RAPGEF5: variants seen among roughly 807,000 people sequenced by gnomAD.
RAPGEF5 encodes the protein Rap guanine nucleotide exchange factor 5, also known as M-Ras-regulated GEF.
A neutral mutation model predicts 125.2 loss-of-function variants in RAPGEF5; 65 were observed. The ratio of observed to expected loss-of-function variants is 0.52; its 90% CI spans 0.43 to 0.64. RAPGEF5 has a LOEUF of 0.64. Ranked by LOEUF, RAPGEF5 falls within the 30% of genes least tolerant of loss-of-function variation. The pLI, the probability that RAPGEF5 is intolerant of heterozygous loss-of-function variation, is 0.00. For synonymous variants in RAPGEF5, 391 were observed against 385.9 expected (o/e 1.01, Z -0.16); for missense variants, 958 against 1,048.1 (o/e 0.91, Z 1.19).
chr7:22,330,130 C>T (rs1003365387), intron 1 of RAPGEF5, among the ~76,000 whole-genome samples: 1 of 152,168 alleles, frequency 6.6e-6, no homozygotes, highest in Admixed American at 6.5e-5. Flanking sequence ...AACGATGACT[C>T]GACACATAAA....
chr7:22,306,005 C>CA (rs1363054262), intron 5 of RAPGEF5, among the ~76,000 whole-genome samples: 2 of 152,052 alleles, frequency 1.3e-5, no homozygotes, highest in South Asian at 4.1e-4. Context: ...GACAGTGATG[C>CA]AAAAAACATA....
rs369030719 is a variant in RAPGEF5 at position 22,161,537 on chromosome 7, A to AACACACACACACAC, written c.1428+846_1428+859dup. Among the ~76,000 whole-genome samples the AACACACACACACAC allele has an allele frequency of 3.1e-3, 422 of 136,102 alleles. 1 individual carries two copies. Among genetic ancestry groups the AACACACACACACAC allele is most frequent in the African/African-American group, 7.0e-3 (257 of 36,474 alleles). The allele number at this position is 136,102 out of a possible 152,430, so 89.3% of individuals were successfully genotyped here. A position where few individuals can be genotyped will look rare whatever the true frequency, so the allele number is the denominator to read the frequency against. On this transcript the variant is annotated intron_variant, in intron 13 of 25. Transcript: ENST00000665637. ...GGGTAGCAGAGCAAGACCCTGTCTCAACACACACACACACACACACACACA... is the reference window on the plus strand; with the variant it reads ...GGGTAGCAGAGCAAGACCCTGTCTCAACACACACACACACACACACACACACACACACACACACA...
chr7:22,323,912 CAG>C (rs1430934524), intron 1 of RAPGEF5, among the ~76,000 whole-genome samples: 1 of 152,052 alleles, frequency 6.6e-6, no homozygotes, highest in Non-Finnish European at 1.5e-5. Flanking sequence ...AAGAAGAAAA[CAG>C]AAAACCACCT....
At chr7:22,155,816 A>G (rs2128109239) in intron 16 of RAPGEF5, among the ~76,000 whole-genome samples, 1 of 152,376 alleles carries the variant, frequency 6.6e-6, no homozygotes, top group African/African-American at 2.4e-5. Flanking sequence ...CACTATATGC[A>G]GGGTAAGTTT....
At chr7:22,274,946 T>C (rs1458731333) in intron 6 of RAPGEF5, among the ~76,000 whole-genome samples, 1 of 152,210 alleles carries the variant, frequency 6.6e-6, no homozygotes, top group Non-Finnish European at 1.5e-5. Context: ...GTTCTTCTGG[T>C]CGGGTCTTCA....
chr7:22,298,422 G>A (rs189702621), intron 5 of RAPGEF5, among the ~76,000 whole-genome samples: 251 of 152,056 alleles, frequency 1.7e-3, no homozygotes, highest in African/African-American at 5.3e-3. Flanking sequence ...CACGTGATCC[G>A]CCCGCCTCAG....
At chr7:22,340,211 C>T (rs142894186) in intron 1 of RAPGEF5, among the ~76,000 whole-genome samples, 2 of 152,234 alleles carry the variant, frequency 1.3e-5, no homozygotes, top group African/African-American at 4.8e-5. Context: ...GAAACAATGA[C>T]AGCAAACAAG....
At position 22,254,404 on chromosome 7, in the gene RAPGEF5, T is replaced by C. The variant is rs181833308; in HGVS notation, c.796+12560A>G. On this transcript the variant is annotated intron_variant, in intron 7 of 25. Transcript: ENST00000665637. ...CGGGCGGATCACCTGAGGTGGGATG[T>C]TTGAGACCAGCCTGACCAAGGTGGA... Among the ~76,000 whole-genome samples the C allele has an allele frequency of 3.4e-3, 521 of 151,194 alleles. 1 individual carries two copies. The highest frequency in any genetic ancestry group is 0.012 in the African/African-American group (487 of 41,174).
intron 21 of RAPGEF5, among the ~76,000 whole-genome samples, chr7:22,138,031 A>ACACG (rs989398986): frequency 1.2e-4 from 16 of 132,082 alleles, no homozygotes; most frequent in Admixed American, 2.3e-4. Flanking sequence ...ACACACACAC[A>ACACG]CACGCACGCA....
chr7:22,341,565 T>C (rs929527702), intron 1 of RAPGEF5, among the ~76,000 whole-genome samples: 4 of 152,232 alleles, frequency 2.6e-5, no homozygotes, highest in Non-Finnish European at 5.9e-5. Flanking sequence ...CCTATGAGCC[T>C]GTAAAATCAA....
rs1050295663 is a variant in RAPGEF5 at position 22,208,227 on chromosome 7, G to A, written c.996+11639C>T. 1.4e-4 allele frequency among the ~76,000 whole-genome samples: 22 copies of A among 152,234 alleles called. 1 individual carries two copies. Among genetic ancestry groups the A allele is most frequent in the South Asian group, 1.2e-3 (6 of 4,828 alleles). ...TGCTTTTCTCAGTGAATGAAGGTAA[G>A]AATAAATTAATCTTAGCCAGATATT... On this transcript the variant is annotated intron_variant, in intron 9 of 25. Coordinates refer to ENST00000665637, the MANE Select transcript of RAPGEF5 (RefSeq NM_012294.5).
intron 11 of RAPGEF5, among the ~76,000 whole-genome samples, chr7:22,180,479 C>G (rs922219052): frequency 2.0e-5 from 3 of 152,158 alleles, no homozygotes; most frequent in African/African-American, 4.8e-5. Flanking sequence ...TAGTGTCCAT[C>G]AGGGCCCAGG....
At chr7:22,281,905 C>T (rs995496264) in intron 6 of RAPGEF5, among the ~76,000 whole-genome samples, 1 of 152,180 alleles carries the variant, frequency 6.6e-6, no homozygotes, top group African/African-American at 2.4e-5. Context: ...TTAGTAGACA[C>T]TTCGCTCTGC....
intron 23 of RAPGEF5, among the ~76,000 whole-genome samples, chr7:22,131,483 A>C (rs1474887352): frequency 1.3e-5 from 2 of 152,242 alleles, no homozygotes; most frequent in African/African-American, 4.8e-5. Context: ...GGATTTTAGT[A>C]AGTATGTGTT....
At chr7:22,159,842 CTCA>C (rs1783927123) in intron 14 of RAPGEF5, among the ~76,000 whole-genome samples, 2 of 151,882 alleles carry the variant, frequency 1.3e-5, no homozygotes, top group African/African-American at 4.8e-5. Flanking sequence ...GGTGTGGTGA[CTCA>C]CACTTGTAAT....
chr7:22,300,900 T>A (rs1456295318), intron 5 of RAPGEF5, among the ~76,000 whole-genome samples: 1 of 152,236 alleles, frequency 6.6e-6, no homozygotes, highest in African/African-American at 2.4e-5. Flanking sequence ...CCCATTTTCC[T>A]GATTCTTCTT....
chr7:22,119,955 T>C lies in RAPGEF5; in HGVS notation c.*2451A>G, dbSNP rs919516176. ...AGAAAGAGCTTTCTGTTGAGTAATA[T>C]CTGGTTCTCACAATTCGGGCTTGAA... is the stretch of plus-strand genomic sequence containing the variant. On this transcript the variant is annotated 3_prime_UTR_variant, in exon 26 of 26. Transcript: ENST00000665637. This position sits in a 1 kb window ranked among gnomAD's most constrained non-coding sequence, Gnocchi z 4.1. 1.7e-4 allele frequency: 26 copies of C among 152,196 alleles called. No individual in the cohort carries two copies. The highest frequency in any genetic ancestry group is 5.8e-4 in the African/African-American group (24 of 41,446). The allele number at this position is 152,196 out of a possible 1,614,324, so 9.4% of individuals were successfully genotyped here. A position where few individuals can be genotyped will look rare whatever the true frequency, so the allele number is the denominator to read the frequency against.
chr7:22,310,226 A>G, intron 3 of RAPGEF5, 136 bp from the exon 4 acceptor site: 1 of 895,062 alleles, frequency 1.1e-6, no homozygotes, highest in Non-Finnish European at 1.5e-6. Context: ...AATGGCATAT[A>G]CCTCTTATTC....
chr7:22,296,280 T>A (rs1014492053), intron 5 of RAPGEF5, among the ~76,000 whole-genome samples: 12 of 152,120 alleles, frequency 7.9e-5, no homozygotes, highest in Non-Finnish European at 1.8e-4. Flanking sequence ...GCTCAAGAGA[T>A]GACTGGCATT....
Sources: gnomAD v4.1 joint callset for allele counts (sites outside exome capture counted in the v4.1 genomes callset) on GRCh38, gnomAD v4.1.1 for gene constraint, Gnocchi (gnomAD v3.1) non-coding constraint, MANE v1.5 for transcripts, NCBI Gene and HGNC (gene_info 2026-07-23, HGNC 2026-07-21) for gene names.